MEIS2: variants seen among roughly 807,000 people sequenced by gnomAD.
MEIS2 encodes the protein Meis homeobox 2, also known as homeobox protein Meis2.
In MEIS2, 9 loss-of-function variants were observed where a neutral mutation model predicts 58.6. The observed-to-expected ratio is 0.15, with a 90% CI of 0.09 to 0.27. The LOEUF is 0.27. Ranked by LOEUF, MEIS2 falls within the 10% of genes least tolerant of loss-of-function variation. The pLI is 1.00. For synonymous variants in MEIS2, 221 were observed against 228.4 expected (o/e 0.97, Z 0.29); for missense variants, 427 against 635.0 (o/e 0.67, Z 3.52).
At chr15:36,955,401 T>G (rs905412450) in intron 8 of MEIS2, among the ~76,000 whole-genome samples, 3 of 152,210 alleles carry the variant, frequency 2.0e-5, no homozygotes, top group African/African-American at 7.2e-5. Context: ...GATTTTTAAC[T>G]TTTGTATTTC....
At chr15:36,898,294 A>G (rs2141229593) in intron 9 of MEIS2, 1 of 152,264 alleles carries the variant, frequency 6.6e-6, no homozygotes, top group African/African-American at 2.4e-5. Flanking sequence ...CTCTTTCCCC[A>G]CCACTTTTAC....
At chr15:37,081,262 CTT>C (rs1475975745) in intron 7 of MEIS2, among the ~76,000 whole-genome samples, 6 of 152,254 alleles carry the variant, frequency 3.9e-5, no homozygotes, top group East Asian at 3.9e-4. Context: ...TGCGAAAACT[CTT>C]TGCGAAACTA....
intron 8 of MEIS2, among the ~76,000 whole-genome samples, chr15:36,951,422 C>T (rs536049307): frequency 8.2e-4 from 125 of 152,224 alleles, no homozygotes; most frequent in African/African-American, 2.9e-3. Flanking sequence ...TTCCCATCAA[C>T]ATTATTAGAG....
At chr15:37,001,011 T>G (rs1595900453) in intron 8 of MEIS2, among the ~76,000 whole-genome samples, 1 of 152,224 alleles carries the variant, frequency 6.6e-6, no homozygotes, top group East Asian at 1.9e-4. Context: ...CACGACCAAA[T>G]TCATTGGTAT....
chr15:36,982,583 G>A (rs554686930), intron 8 of MEIS2, among the ~76,000 whole-genome samples: 2 of 152,158 alleles, frequency 1.3e-5, no homozygotes, highest in South Asian at 4.1e-4. Flanking sequence ...TCCACATCTT[G>A]GCCATTGTGA....
chr15:37,046,180 C>T (rs2062662005), intron 7 of MEIS2, among the ~76,000 whole-genome samples: 1 of 152,230 alleles, frequency 6.6e-6, no homozygotes, highest in South Asian at 2.1e-4. Flanking sequence ...CTTCCATTCT[C>T]ACTGGCTTGG....
chr15:37,096,255 C>G lies in MEIS2; in HGVS notation c.387+34G>C, dbSNP rs199566654. 255 of 1,551,270 alleles carry G rather than the reference C, an allele frequency of 1.6e-4. 1 individual carries two copies. The Middle Eastern group carries it at 2.6e-3, about 16-fold the overall frequency. On this transcript the variant is annotated intron_variant, in intron 3 of 11. Transcript: ENST00000561208. The stretch of plus-strand genomic sequence containing the variant: ...AGGAAAGGGGAGGGGTAGTGAGGGA[C>G]TGCCCGAAGTTGAGTGGATCAAGAA...
intron 8 of MEIS2, among the ~76,000 whole-genome samples, chr15:37,009,639 T>C (rs1187043506): frequency 1.3e-5 from 2 of 152,230 alleles, no homozygotes; most frequent in East Asian, 3.9e-4. Context: ...TCAAATATTA[T>C]GAAGTCATTC....
chr15:37,000,187 G>A (rs2060670000), intron 8 of MEIS2, among the ~76,000 whole-genome samples: 1 of 152,080 alleles, frequency 6.6e-6, no homozygotes. Flanking sequence ...TCAATTAATA[G>A]GACCTATGTA....
chr15:37,032,986 G>T (rs185024909), intron 8 of MEIS2, among the ~76,000 whole-genome samples: 20 of 152,246 alleles, frequency 1.3e-4, no homozygotes, highest in African/African-American at 4.6e-4. Flanking sequence ...CTTTCCCCCT[G>T]AAGTTGGTGG....
At chr15:36,966,481 T>C (rs890987140) in intron 8 of MEIS2, among the ~76,000 whole-genome samples, 99 of 152,176 alleles carry the variant, frequency 6.5e-4, no homozygotes, top group African/African-American at 2.3e-3. Context: ...GCTTTTAATC[T>C]TGGCTTGGCA....
At position 37,098,380 on chromosome 15, in the gene MEIS2, GAGAGA is replaced by G. The variant is rs1475412693; in HGVS notation, c.13-186_13-182del. Reference sequence around the variant, plus strand: ...AGGAGGAGGAAAAGGAGGAGAGGGGGAGAGAGAGAGAGAGAGAGAGAGAGAGAGAG... The same window carrying G: ...AGGAGGAGGAAAAGGAGGAGAGGGGGGAGAGAGAGAGAGAGAGAGAGAGAG... On this transcript the variant is annotated intron_variant, in intron 1 of 11. Transcript: ENST00000561208. 108 of 335,694 alleles carry G rather than the reference GAGAGA, an allele frequency of 3.2e-4. No homozygotes were observed. The African/African-American group carries it at 8.8e-3, about 27-fold the overall frequency. The allele number at this position is 335,694 out of a possible 1,614,324, so 20.8% of individuals were successfully genotyped here.
intron 8 of MEIS2, among the ~76,000 whole-genome samples, chr15:36,987,898 A>ACAAAAT (rs2060144364): frequency 3.9e-5 from 6 of 152,180 alleles, no homozygotes; most frequent in African/African-American, 1.4e-4. Context: ...TGAACATCAG[A>ACAAAAT]TCTATACAAA....
intron 8 of MEIS2, among the ~76,000 whole-genome samples, chr15:36,991,736 A>C (rs1394451380): frequency 6.7e-6 from 1 of 150,060 alleles, no homozygotes; most frequent in Non-Finnish European, 1.5e-5. Context: ...CTTTAATCTA[A>C]GATGATTAAA....
intron 9 of MEIS2, among the ~76,000 whole-genome samples, chr15:36,910,272 C>A (rs2141263540): frequency 6.6e-6 from 1 of 152,192 alleles, no homozygotes; most frequent in Middle Eastern, 3.4e-3. Flanking sequence ...CATTTTGCTC[C>A]CAAATGTGCT....
chr15:36,944,720 G>T (rs1030725475), intron 9 of MEIS2, among the ~76,000 whole-genome samples: 2 of 152,076 alleles, frequency 1.3e-5, no homozygotes, highest in African/African-American at 4.8e-5. Context: ...CAGAAACATA[G>T]ATGTTACTTG....
At chr15:37,004,107 C>T (rs2141606904) in intron 8 of MEIS2, among the ~76,000 whole-genome samples, 1 of 152,244 alleles carries the variant, frequency 6.6e-6, no homozygotes, top group African/African-American at 2.4e-5. Flanking sequence ...GCTTTTGGGC[C>T]TCCACAACTA....
chr15:36,953,372 A>C (rs1595797748), intron 8 of MEIS2, among the ~76,000 whole-genome samples: 2 of 152,298 alleles, frequency 1.3e-5, no homozygotes, highest in Middle Eastern at 3.4e-3. Context: ...GCTCAAATTT[A>C]AAATAAACTT....
At chr15:36,919,089 A>T (rs115345100) in intron 9 of MEIS2, among the ~76,000 whole-genome samples, 1,790 of 152,094 alleles carry the variant, frequency 0.012, 39 homozygotes, top group African/African-American at 0.041. Context: ...CTGAGGTGGG[A>T]AAAATCACGT....
Sources: allele counts gnomAD v4.1 joint callset (sites outside exome capture counted in the v4.1 genomes callset), GRCh38; gene constraint gnomAD v4.1.1; transcripts MANE v1.5; gene names NCBI Gene and HGNC (gene_info 2026-07-23, HGNC 2026-07-21).